CSMD2: variants seen among roughly 807,000 people sequenced by gnomAD.
The protein encoded by CSMD2 is CUB and sushi domain-containing protein 2.
Under a neutral mutation model 398.5 loss-of-function variants are expected in CSMD2, and 130 were observed. The observed-to-expected ratio is 0.33, with a 90% confidence interval of 0.28 to 0.38. CSMD2 has a LOEUF of 0.38. CSMD2 is among the 10% of genes least tolerant of loss of function. CSMD2 has a pLI of 1.00. For missense variants in CSMD2, 3,829 were observed against 4,764.9 expected (o/e 0.80, Z 5.78); for synonymous variants, 1,828 against 1,908.5 (o/e 0.96, Z 1.10).
intron 27 of CSMD2, among the ~76,000 whole-genome samples, chr1:33,657,666 G>C (rs1316918959): frequency 1.3e-5 from 2 of 152,166 alleles, no homozygotes; most frequent in Non-Finnish European, 2.9e-5. Context: ...TGTACAGCCT[G>C]GGCCAGAGAG....
At chr1:33,552,646 CTT>C (rs1282647768) in intron 55 of CSMD2, among the ~76,000 whole-genome samples, 2 of 152,108 alleles carry the variant, frequency 1.3e-5, no homozygotes, top group African/African-American at 4.8e-5. Flanking sequence ...CGTGGATGAA[CTT>C]TGAAAATTTT....
chr1:33,662,424 T>C (rs1330121742), intron 26 of CSMD2, among the ~76,000 whole-genome samples: 2 of 152,214 alleles, frequency 1.3e-5, no homozygotes, highest in Non-Finnish European at 2.9e-5. Flanking sequence ...CACTTGTTCA[T>C]GTGTTCTTTG....
intron 13 of CSMD2, among the ~76,000 whole-genome samples, chr1:33,749,190 C>G (rs561289049): frequency 4.0e-5 from 6 of 151,402 alleles, no homozygotes; most frequent in East Asian, 3.9e-4. Flanking sequence ...CTCCACCCCC[C>G]CAGGTTCACG....
At chr1:34,032,230 G>T (rs1027368966) in intron 3 of CSMD2, among the ~76,000 whole-genome samples, 23 of 151,788 alleles carry the variant, frequency 1.5e-4, no homozygotes, top group Non-Finnish European at 2.9e-5. Flanking sequence ...TTTTACTTAG[G>T]GTTTATATGT....
chr1:33,857,911 A>G (rs1380655412), intron 5 of CSMD2, among the ~76,000 whole-genome samples: 1 of 152,210 alleles, frequency 6.6e-6, no homozygotes, highest in Non-Finnish European at 1.5e-5. Flanking sequence ...TAGGTTTTTA[A>G]AGACCTGTGA....
chr1:33,982,360 G>A (rs1646201828), intron 3 of CSMD2, among the ~76,000 whole-genome samples: 1 of 152,158 alleles, frequency 6.6e-6, no homozygotes, highest in Non-Finnish European at 1.5e-5. Flanking sequence ...CCAAGCCCTG[G>A]GCTCTGAAGC....
intron 13 of CSMD2, among the ~76,000 whole-genome samples, chr1:33,753,426 A>C (rs1648540453): frequency 6.6e-6 from 1 of 152,214 alleles, no homozygotes; most frequent in South Asian, 2.1e-4. Context: ...AAGCTGCCAT[A>C]AGCCTTAGCA....
At chr1:33,965,390 C>T (rs1222177025) in intron 3 of CSMD2, among the ~76,000 whole-genome samples, 1 of 152,182 alleles carries the variant, frequency 6.6e-6, no homozygotes, top group Non-Finnish European at 1.5e-5. Flanking sequence ...ACACTTAGTG[C>T]CATAAACACA....
At chr1:33,709,349 C>A in intron 21 of CSMD2, 91 bp from the exon 22 acceptor site, 1 of 1,191,478 alleles carries the variant, frequency 8.4e-7, no homozygotes. Context: ...ACAAAGATGA[C>A]AAGTCGTTTG....
At chr1:33,603,974 G>T (rs1399815441) in intron 42 of CSMD2, among the ~76,000 whole-genome samples, 1 of 152,202 alleles carries the variant, frequency 6.6e-6, no homozygotes, top group Non-Finnish European at 1.5e-5. Context: ...GAATATGGGA[G>T]GTCAGCAGGG....
At chr1:33,833,007 C>G (rs1010103669) in intron 6 of CSMD2, among the ~76,000 whole-genome samples, 3 of 149,722 alleles carry the variant, frequency 2.0e-5, no homozygotes, top group African/African-American at 7.4e-5. Context: ...TGGCAATAAT[C>G]AATAGCTTAC....
intron 12 of CSMD2, among the ~76,000 whole-genome samples, chr1:33,783,183 C>T (rs984062162): frequency 9.9e-5 from 15 of 152,014 alleles, no homozygotes; most frequent in African/African-American, 3.4e-4. Flanking sequence ...AGATGGGGTA[C>T]ACAGGTGCAG....
At chr1:33,921,262 ATTTGT>A (rs906681023) in intron 4 of CSMD2, among the ~76,000 whole-genome samples, 3 of 152,100 alleles carry the variant, frequency 2.0e-5, no homozygotes, top group Non-Finnish European at 4.4e-5. Context: ...GGTGCTGTTG[ATTTGT>A]TTTATCAAGT....
chr1:34,117,473 A>G (rs1375236101), intron 1 of CSMD2, among the ~76,000 whole-genome samples: 2 of 152,104 alleles, frequency 1.3e-5, no homozygotes, highest in Middle Eastern at 3.2e-3. Context: ...TAAAAAACCT[A>G]TCTACAAAGA....
At chr1:34,132,112 G>A (rs1663411853) in intron 1 of CSMD2, among the ~76,000 whole-genome samples, 1 of 152,084 alleles carries the variant, frequency 6.6e-6, no homozygotes, top group South Asian at 2.1e-4. Context: ...CACTTGACCT[G>A]TAAGGAGGAA....
intron 64 of CSMD2, among the ~76,000 whole-genome samples, chr1:33,532,824 G>C (rs1655373909): frequency 6.6e-6 from 1 of 152,258 alleles, no homozygotes; most frequent in Admixed American, 6.5e-5. Context: ...GATCCTGTGA[G>C]TGTTTCAGCC....
At chr1:34,122,404 G>C (rs1373472116) in intron 1 of CSMD2, among the ~76,000 whole-genome samples, 2 of 152,120 alleles carry the variant, frequency 1.3e-5, no homozygotes, top group Non-Finnish European at 2.9e-5. Context: ...GGGATGGGCT[G>C]CGTCCAAGAG....
chr1:33,851,072 G>T (rs1434180438), intron 5 of CSMD2, among the ~76,000 whole-genome samples: 2 of 152,166 alleles, frequency 1.3e-5, no homozygotes, highest in Admixed American at 1.3e-4. Flanking sequence ...GGGGAGGAGT[G>T]TTAGGAGATC....
chr1:33,819,204 G>A (rs760114909), intron 9 of CSMD2, among the ~76,000 whole-genome samples: 1 of 152,174 alleles, frequency 6.6e-6, no homozygotes, highest in African/African-American at 2.4e-5. Flanking sequence ...GGGATGTGGT[G>A]GCAGGGCCCT....
Sources: allele counts gnomAD v4.1 joint callset (sites outside exome capture counted in the v4.1 genomes callset), GRCh38; gene constraint gnomAD v4.1.1; transcripts MANE v1.5; gene names NCBI Gene and HGNC (gene_info 2026-07-23, HGNC 2026-07-21).